RFX2: variants seen among roughly 807,000 people sequenced by gnomAD.
RFX2 encodes the protein DNA-binding protein RFX2.
RFX2 carries 20 observed loss-of-function variants against 87.8 expected under a neutral mutation model. The ratio of observed to expected loss-of-function variants is 0.23; its 90% CI spans 0.16 to 0.33. RFX2 has a LOEUF of 0.33. Ranked by LOEUF, RFX2 falls within the 10% of genes least tolerant of loss-of-function variation. The probability of loss-of-function intolerance (pLI) is 1.00; values close to 1 mark genes in which losing one functional copy is unlikely to be tolerated. For synonymous variants in RFX2, 397 were observed against 431.3 expected (o/e 0.92, Z 0.98); for missense variants, 767 against 1,012.3 (o/e 0.76, Z 3.29).
intron 9 of RFX2, 151 bp from the exon 10 acceptor site, chr19:6,008,375 C>CTTTT: frequency 2.5e-6 from 1 of 399,270 alleles, no homozygotes; most frequent in Non-Finnish European, 4.5e-6. Context: ...TTTTCTTTTT[C>CTTTT]TTTTTTTTTT....
At chr19:6,052,089 GATGGTC>G (rs2087272760) in intron 1 of RFX2, among the ~76,000 whole-genome samples, 1 of 152,014 alleles carries the variant, frequency 6.6e-6, no homozygotes, top group Admixed American at 6.6e-5. Flanking sequence ...TGTTAGCCAG[GATGGTC>G]TCCATCTCCT....
chr19:6,091,260 G>A (rs780668113), intron 1 of RFX2, among the ~76,000 whole-genome samples: 5 of 152,190 alleles, frequency 3.3e-5, no homozygotes, highest in Admixed American at 6.5e-5. Context: ...GGGAGGCTGA[G>A]GCTGGGGATT....
chr19:6,051,368 G>A (rs2087263674), intron 1 of RFX2, among the ~76,000 whole-genome samples: 1 of 151,912 alleles, frequency 6.6e-6, no homozygotes, highest in Non-Finnish European at 1.5e-5. Context: ...TGTTCTCCAT[G>A]ACAGTTGTAA....
rs1296066093 is a variant in RFX2 at position 6,024,977 on chromosome 19, G to A, written c.597+1186C>T. 6.6e-6 allele frequency among the ~76,000 whole-genome samples: 1 copy of A among 151,882 alleles called. No homozygotes were observed. The highest frequency in any genetic ancestry group is 1.5e-5 in the Non-Finnish European group (1 of 67,970). ...AGGACGGGAGTCAGGACGGGATCACGGTGATGACTGGGGTCCACTGAAGGG... is the reference window on the plus strand; with the variant it reads ...AGGACGGGAGTCAGGACGGGATCACAGTGATGACTGGGGTCCACTGAAGGG... On this transcript the variant is annotated intron_variant, in intron 6 of 17. Coordinates refer to ENST00000303657, the MANE Select transcript of RFX2 (RefSeq NM_000635.4). This position sits in a 1 kb window ranked among gnomAD's most constrained non-coding sequence, Gnocchi z 5.0.
At chr19:6,037,458 C>T (rs1198954743) in intron 5 of RFX2, among the ~76,000 whole-genome samples, 1 of 152,090 alleles carries the variant, frequency 6.6e-6, no homozygotes, top group Non-Finnish European at 1.5e-5. Flanking sequence ...ACATGAAATA[C>T]TTTGATATAA....
chr19:6,039,861 G>T lies in RFX2; in HGVS notation c.522+119C>A. ...CCGACTCCATCGTGGGGCCGCCTGG[G>T]CCCAGAGCAGACGACAGCCCCTCCG... On this transcript the variant is annotated intron_variant, in intron 5 of 17. Transcript: ENST00000303657. This position sits in a 1 kb window ranked among gnomAD's most constrained non-coding sequence, Gnocchi z 5.2. 8.0e-7 allele frequency: 1 copy of T among 1,255,564 alleles called. No individual in the cohort carries two copies. Among genetic ancestry groups the T allele is most frequent in the Non-Finnish European group, 1.1e-6 (1 of 932,114 alleles). The allele number at this position is 1,255,564 out of a possible 1,614,324, so 77.8% of individuals were successfully genotyped here.
Position 5,995,581 on chromosome 19 carries a change from A to AAAGCCCGG in RFX2, c.2056+19_2056+20insCCGGGCTT. On this transcript the variant is annotated intron_variant, in intron 17 of 17. Transcript: ENST00000303657. ...ACCCTCCTGGGAGGGTCGTGGTGGG[A>AAAGCCCGG]AAGCCGCAGACGCACCTACCTTTGT... The AAAGCCCGG allele has an allele frequency of 6.4e-7, 1 of 1,551,566 alleles. No individual in the cohort carries two copies. Among genetic ancestry groups the AAAGCCCGG allele is most frequent in the East Asian group, 2.4e-5 (1 of 40,922 alleles).
chr19:6,079,621 C>G, intron 1 of RFX2, among the ~76,000 whole-genome samples: 1 of 152,134 alleles, frequency 6.6e-6, no homozygotes, highest in East Asian at 1.9e-4. Flanking sequence ...GGTGTGGTGG[C>G]TCACGCCTGT....
intron 1 of RFX2, among the ~76,000 whole-genome samples, chr19:6,066,000 C>A (rs1404399156): frequency 2.5e-5 from 1 of 40,222 alleles, no homozygotes; most frequent in African/African-American, 9.7e-5. Context: ...GGGCTGGGGG[C>A]GGGGCTGGGA....
intron 5 of RFX2, among the ~76,000 whole-genome samples, chr19:6,038,666 G>T (rs2144760087): frequency 6.6e-6 from 1 of 152,194 alleles, no homozygotes; most frequent in South Asian, 2.1e-4. Flanking sequence ...AGTTAAAAAA[G>T]AAGCAAATGA....
intron 12 of RFX2, among the ~76,000 whole-genome samples, chr19:6,006,699 C>T (rs546348691): frequency 2.6e-5 from 4 of 152,060 alleles, no homozygotes; most frequent in Admixed American, 2.6e-4. Flanking sequence ...ATCTGCCCGC[C>T]TCAGCCTCCC....
Position 6,004,369 on chromosome 19 carries a change from G to A in RFX2, c.1403-71C>T. ...TGGACCCTGGAAATCAGCATTCAGT[G>A]TAAGAGCTGGCCCAAGTGCGATGAA... On this transcript the variant is annotated intron_variant, in intron 12 of 17. Coordinates refer to ENST00000303657, the MANE Select transcript of RFX2 (RefSeq NM_000635.4). This position sits in a 1 kb window ranked among gnomAD's most constrained non-coding sequence, Gnocchi z 4.8. 4 of 1,287,444 alleles carry A rather than the reference G, an allele frequency of 3.1e-6. No homozygotes were observed. Among genetic ancestry groups the A allele is most frequent in the Middle Eastern group, 3.7e-4 (2 of 5,398 alleles). 79.8% of individuals were successfully genotyped at this position (1,287,444 alleles called of 1,614,324 possible). A position where few individuals can be genotyped will look rare whatever the true frequency, so the allele number is the denominator to read the frequency against.
At position 6,022,148 on chromosome 19, in the gene RFX2, G is replaced by C. The variant is rs1384858101; in HGVS notation, c.597+4015C>G. ...GCGCAGGGGTTGTGGGAGGCGCAGGGGTTGTTGAGGGTGGAGGCCACGCAC... is the reference window on the plus strand; with the variant it reads ...GCGCAGGGGTTGTGGGAGGCGCAGGCGTTGTTGAGGGTGGAGGCCACGCAC... On this transcript the variant is annotated intron_variant, in intron 6 of 17. Transcript: ENST00000303657. The surrounding 1 kb of genome is among the most constrained non-coding windows in gnomAD (Gnocchi z 6.2). 1.3e-5 allele frequency among the ~76,000 whole-genome samples: 2 copies of C among 152,086 alleles called. No individual in the cohort carries two copies.
intron 3 of RFX2, among the ~76,000 whole-genome samples, chr19:6,043,378 T>C (rs544293463): frequency 1.6e-4 from 25 of 152,332 alleles, no homozygotes; most frequent in Admixed American, 3.9e-4. Flanking sequence ...GACAAATGCC[T>C]GTGAACAGAC....
In RFX2 at chr19:6,047,517, G is replaced by A. The variant is rs746326388; in HGVS notation, c.-8-13C>T. 1.1e-5 allele frequency: 17 copies of A among 1,592,068 alleles called. No individual in the cohort carries two copies. Among genetic ancestry groups the A allele is most frequent in the South Asian group, 3.4e-5 (3 of 88,066 alleles). On this transcript the variant is annotated splice_polypyrimidine_tract_variant and intron_variant, in intron 1 of 17. Coordinates refer to ENST00000303657, the MANE Select transcript of RFX2 (RefSeq NM_000635.4). The surrounding 1 kb of genome is among the most constrained non-coding windows in gnomAD (Gnocchi z 4.2). ...TGCATGCTCAGGTCTAAAGAAAGGC[G>A]GAGAGAGATTGGGTGGGCAAGGGCT... is the stretch of plus-strand genomic sequence containing the variant.
chr19:6,068,078 T>C (rs914426089), intron 1 of RFX2: 3 of 152,176 alleles, frequency 2.0e-5, no homozygotes, highest in Admixed American at 2.0e-4. Flanking sequence ...TGTTAATGTA[T>C]GGCTAAGTGG....
rs1024823866 is a variant in RFX2, at chr19:6,010,221, G to A, written c.930C>T (p.Leu310=). Residue 310 remains leucine, a synonymous_variant, in exon 9 of 18, where the codon CTC becomes CTT. Transcript: ENST00000303657. The surrounding 1 kb of genome is among the most constrained non-coding windows in gnomAD (Gnocchi z 5.0). The stretch of plus-strand genomic sequence containing the variant: ...GGCCGCTGTGGGAGCCGCTGTCCCC[G>A]AGGCTGTCCGTCTTCTGGGCTGGCC... The part of the protein sequence containing the change: ...RYRPAQKTDS[L]GDSGSHSGLH... 2.0e-5 allele frequency: 31 copies of A among 1,548,012 alleles called. No homozygotes were observed. The Admixed American group carries it at 2.4e-4, about 12-fold the overall frequency.
Position 6,083,441 on chromosome 19 carries a change from T to C in RFX2, c.-9+26952A>G, listed in dbSNP as rs2087812868. Reference sequence around the variant, plus strand: ...CATTTTCATGTGTCACAAAATATTTTGTCTTGTTTCCAATCATTTAAAAAC... The same window carrying C: ...CATTTTCATGTGTCACAAAATATTTCGTCTTGTTTCCAATCATTTAAAAAC... On this transcript the variant is annotated intron_variant, in intron 1 of 17. Coordinates refer to ENST00000303657, the MANE Select transcript of RFX2 (RefSeq NM_000635.4). This position sits in a 1 kb window ranked among gnomAD's most constrained non-coding sequence, Gnocchi z 4.6. Among the ~76,000 whole-genome samples, 1 of 152,202 alleles carries C rather than the reference T, an allele frequency of 6.6e-6. No homozygotes were observed.
chr19:6,088,357 A>G (rs773256164), intron 1 of RFX2, among the ~76,000 whole-genome samples: 20 of 151,658 alleles, frequency 1.3e-4, no homozygotes, highest in Non-Finnish European at 2.9e-4. Flanking sequence ...TATTACAGGC[A>G]TGTGCCACCA....
Sources: allele counts gnomAD v4.1 joint callset (sites outside exome capture counted in the v4.1 genomes callset), GRCh38; gene constraint gnomAD v4.1.1; non-coding constraint Gnocchi (gnomAD v3.1); transcripts MANE v1.5; gene names NCBI Gene and HGNC (gene_info 2026-07-23, HGNC 2026-07-21).